Variants in C4orf54 observed in about 807,000 individuals in gnomAD.
The protein encoded by C4orf54 is chromosome 4 open reading frame 54, also known as uncharacterized protein C4orf54.
A neutral mutation model predicts 80.1 loss-of-function variants in C4orf54; 67 were observed. The ratio of observed to expected loss-of-function variants is 0.84; its 90% CI spans 0.69 to 1.03. The LOEUF (loss-of-function observed/expected upper bound fraction) is 1.03. C4orf54 is among the 50% of genes least tolerant of loss of function. The pLI is 0.00. For synonymous variants in C4orf54, 1,000 were observed against 917.0 expected (o/e 1.09, Z -1.64); for missense variants, 2,434 against 2,253.5 (o/e 1.08, Z -1.62).
intron 2 of C4orf54, among the ~76,000 whole-genome samples, 176 bp from the exon 3 acceptor site, chr4:99,641,372 T>C (rs1224785151): frequency 2.0e-5 from 3 of 152,164 alleles, no homozygotes; most frequent in African/African-American, 7.2e-5. Flanking sequence ...CAAATGTGTT[T>C]ATGAACTTAC....
rs1466209416 is a variant in C4orf54 at position 99,651,958 on chromosome 4, G to C, written c.2691C>G (p.Val897=). The C allele has an allele frequency of 9.8e-6, 15 of 1,536,024 alleles. No individual in the cohort carries two copies. Among genetic ancestry groups the C allele is most frequent in the Non-Finnish European group, 1.3e-5 (15 of 1,146,914 alleles). Reference sequence around the variant, plus strand: ...GCTCGCGAGGAGTACTGGCTTTGAAGACTGGAGATTTGGAGCCCGCCACGG... The same window carrying C: ...GCTCGCGAGGAGTACTGGCTTTGAACACTGGAGATTTGGAGCCCGCCACGG... ...EGSVAGSKSP[V]FKASTPRERN... is the part of the protein sequence containing the mutation. Residue 897 remains valine, a synonymous_variant, in exon 2 of 3, where the codon GTC becomes GTG. Coordinates refer to ENST00000511828, the MANE Select transcript of C4orf54 (RefSeq NM_001354435.2).
At chr4:99,649,183 AT>A in intron 2 of C4orf54, 47 bp downstream of exon 2, 2 of 1,410,694 alleles carry the variant, frequency 1.4e-6, no homozygotes, top group Non-Finnish European at 1.9e-6. Flanking sequence ...ACAAAAAAAT[AT>A]TGTTCTTACT....
Position 99,653,018 on chromosome 4 carries a change from T to G in C4orf54, c.1631A>C (p.Tyr544Ser), listed in dbSNP as rs1285850833. ...CATGTCGCCTTCATGCTTGGCAGCA[T>G]AAATAATGTTTTGCTTTGCACGCAC... ...SNVRAKQNII[Y>S]AAKHEGDMSL... Residue 544 changes from tyrosine (Y) to serine (S), a missense_variant, in exon 2 of 3, where the codon TAT becomes TCT. Coordinates refer to ENST00000511828, the MANE Select transcript of C4orf54 (RefSeq NM_001354435.2). 1.3e-6 allele frequency: 2 copies of G among 1,536,170 alleles called. No homozygotes were observed. The highest frequency in any genetic ancestry group is 1.7e-6 in the Non-Finnish European group (2 of 1,146,904).
chr4:99,650,015 G>T lies in C4orf54; in HGVS notation c.4634C>A (p.Ala1545Asp), dbSNP rs915328392. Residue 1545 changes from alanine (A) to aspartate (D), a missense_variant, in exon 2 of 3, where the codon GCC (alanine) becomes GAC (aspartate). Physicochemically the swap from Ala to Asp is moderately radical, Grantham distance 126. Coordinates refer to ENST00000511828, the MANE Select transcript of C4orf54 (RefSeq NM_001354435.2). ...KPDNPRETVA[A>D]PPGPQSPEHP... ...CTCGGGGCTCTGTGGCCCTGGGGGG[G>T]CAGCTACTGTCTCCCGGGGGTTGTC... 1.3e-6 allele frequency: 2 copies of T among 1,534,140 alleles called. No homozygotes were observed. Among genetic ancestry groups the T allele is most frequent in the South Asian group, 2.4e-5 (2 of 84,012 alleles).
In C4orf54 at chr4:99,650,178, A is replaced by G; in HGVS notation, c.4471T>C (p.Ser1491Pro). The G allele has an allele frequency of 8.5e-6, 13 of 1,535,994 alleles. No individual in the cohort carries two copies. Among genetic ancestry groups the G allele is most frequent in the Non-Finnish European group, 1.0e-5 (12 of 1,146,874 alleles). The change falls in exon 2 of 3, where the codon TCC becomes CCC. Residue 1491 changes from serine (S) to proline (P), a missense_variant. Physicochemically the swap from Ser to Pro is moderately conservative, Grantham distance 74. Coordinates refer to ENST00000511828, the MANE Select transcript of C4orf54 (RefSeq NM_001354435.2). ...AGELLSRPGASREGPPNSSAA... is the reference protein window; with the variant it reads ...AGELLSRPGAPREGPPNSSAA... Reference sequence around the variant, plus strand: ...GAGGAGTTGGGGGGCCCCTCCCTGGAAGCCCCAGGCCTGCTAAGAAGCTCC... The same window carrying G: ...GAGGAGTTGGGGGGCCCCTCCCTGGGAGCCCCAGGCCTGCTAAGAAGCTCC...
rs1239170361 is a variant in C4orf54, at chr4:99,653,757, T to A, written c.892A>T (p.Thr298Ser). The change falls in exon 2 of 3, where the codon ACC becomes TCC. Residue 298 changes from threonine (T) to serine (S), a missense_variant. Coordinates refer to ENST00000511828, the MANE Select transcript of C4orf54 (RefSeq NM_001354435.2). ...DSTTSTGALA[T>S]SSSSLGFESE... ...TCGAAGCCTAAGGATGAAGAGGAGGTGGCCAGAGCCCCTGTGGATGTGGTG... is the reference window on the plus strand; with the variant it reads ...TCGAAGCCTAAGGATGAAGAGGAGGAGGCCAGAGCCCCTGTGGATGTGGTG... The A allele has an allele frequency of 6.5e-7, 1 of 1,535,658 alleles. No homozygotes were observed. The highest frequency in any genetic ancestry group is 8.7e-7 in the Non-Finnish European group (1 of 1,146,812).
chr4:99,646,918 G>A (rs981409657), intron 2 of C4orf54, among the ~76,000 whole-genome samples: 2 of 152,068 alleles, frequency 1.3e-5, no homozygotes, highest in Admixed American at 6.6e-5. Context: ...TTTGGAAGGT[G>A]GTATTGAATG....
rs550073539 is a variant in C4orf54 at position 99,652,915 on chromosome 4, G to A, written c.1734C>T (p.Asp578=). Residue 578 remains aspartate, a synonymous_variant, in exon 2 of 3, where the codon GAC becomes GAT. Transcript: ENST00000511828. Reference sequence around the variant, plus strand: ...GTACAGCAATGAATTTCTTTGCATGGTCCTGAGCCACTGCTGCAGCCGGGT... The same window carrying A: ...GTACAGCAATGAATTTCTTTGCATGATCCTGAGCCACTGCTGCAGCCGGGT... ...KQNPAAAVAQ[D]HAKKFIAVPA... 6 of 1,536,162 alleles carry A rather than the reference G, an allele frequency of 3.9e-6. No individual in the cohort carries two copies. The African/African-American group carries it at 5.5e-5, about 14-fold the overall frequency.
In C4orf54 at chr4:99,646,028, T is replaced by A. The variant is rs538694035; in HGVS notation, c.*36+3203A>T. ...AGAAGTGAGAAAACCCCACCTATAA[T>A]TTTTTTTTTAATAAAGGAACATTTA... On this transcript the variant is annotated intron_variant, in intron 2 of 2. Coordinates refer to ENST00000511828, the MANE Select transcript of C4orf54 (RefSeq NM_001354435.2). Among the ~76,000 whole-genome samples the A allele has an allele frequency of 1.3e-4, 19 of 148,218 alleles. 1 individual carries two copies. Among genetic ancestry groups the A allele is most frequent in the African/African-American group, 4.3e-4 (17 of 39,672 alleles).
At position 99,652,653 on chromosome 4, in the gene C4orf54, C is replaced by A. The variant is rs1420565657; in HGVS notation, c.1996G>T (p.Asp666Tyr). ...VGFGRWSTFLDLKCGGVGARV... is the reference protein window; with the variant it reads ...VGFGRWSTFLYLKCGGVGARV... Reference sequence around the variant, plus strand: ...GCCCCAACACCCCCACATTTTAAGTCCAGGAAAGTTGACCAGCGCCCAAAG... The same window carrying A: ...GCCCCAACACCCCCACATTTTAAGTACAGGAAAGTTGACCAGCGCCCAAAG... Residue 666 changes from aspartate to tyrosine, a missense_variant, in exon 2 of 3, where the codon GAC (aspartate) becomes TAC (tyrosine). Asp to Tyr is a radical substitution (Grantham distance 160). Transcript: ENST00000511828. 3 of 1,536,030 alleles carry A rather than the reference C, an allele frequency of 2.0e-6. No homozygotes were observed. The highest frequency in any genetic ancestry group is 1.7e-6 in the Non-Finnish European group (2 of 1,146,880).
rs1307374945 is a variant in C4orf54, at chr4:99,649,451, T to G, written c.5198A>C (p.Gln1733Pro). 1.3e-6 allele frequency: 2 copies of G among 1,536,052 alleles called. No homozygotes were observed. The highest frequency in any genetic ancestry group is 1.7e-6 in the Non-Finnish European group (2 of 1,146,922). Reference protein sequence around the residue: ...TEAPYFMASGQSPASSTSSAP... With the variant: ...TEAPYFMASGPSPASSTSSAP... ...TGAGGAGGTTGAGGAGGCCGGAGAC[T>G]GACCAGAAGCCATGAAGTATGGGGC... Residue 1733 changes from glutamine to proline, a missense_variant, in exon 2 of 3, where the codon CAG (glutamine) becomes CCG (proline). Transcript: ENST00000511828.
intron 2 of C4orf54, among the ~76,000 whole-genome samples, chr4:99,647,324 C>T (rs1002978051): frequency 3.9e-5 from 6 of 152,278 alleles, no homozygotes; most frequent in Admixed American, 3.3e-4. Flanking sequence ...GCACAAAGGC[C>T]TCATAGCATT....
rs1012666147 is a variant in C4orf54, at chr4:99,649,713, C to T, written c.4936G>A (p.Val1646Met). The change falls in exon 2 of 3, where the codon GTG becomes ATG. Residue 1646 changes from valine to methionine, a missense_variant. Val to Met is a conservative substitution (Grantham distance 21). Transcript: ENST00000511828. Reference sequence around the variant, plus strand: ...GCCTGCTGCTGGGAGGTCATGGGCACATCCACATACTGCCCTGTCTCAGGG... The same window carrying T: ...GCCTGCTGCTGGGAGGTCATGGGCATATCCACATACTGCCCTGTCTCAGGG... ...FDPETGQYVD[V>M]PMTSQQQAVA... 1 of 1,536,180 alleles carries T rather than the reference C, an allele frequency of 6.5e-7. No individual in the cohort carries two copies.
Position 99,654,659 on chromosome 4 carries a change from T to C in C4orf54, c.-11A>G, listed in dbSNP as rs916013059. 14 of 684,226 alleles carry C rather than the reference T, an allele frequency of 2.0e-5. No homozygotes were observed. The African/African-American group carries it at 2.5e-4, about 12-fold the overall frequency. The allele number at this position is 684,226 out of a possible 1,614,324, so 42.4% of individuals were successfully genotyped here. A position where few individuals can be genotyped will look rare whatever the true frequency, so the allele number is the denominator to read the frequency against. ...ATGAAAGGAAAGCATGTGCTGTTTCTTGTGAAGCCTTGTCCCTTTCCTGGA... is the reference window on the plus strand; with the variant it reads ...ATGAAAGGAAAGCATGTGCTGTTTCCTGTGAAGCCTTGTCCCTTTCCTGGA... On this transcript the variant is annotated 5_prime_UTR_variant, in exon 2 of 3. Transcript: ENST00000511828.
intron 2 of C4orf54, among the ~76,000 whole-genome samples, chr4:99,642,982 A>T (rs1294594398): frequency 6.6e-6 from 1 of 152,160 alleles, no homozygotes; most frequent in Non-Finnish European, 1.5e-5. Flanking sequence ...GAGATCAGCC[A>T]GCTAGCTCAA....
rs1417212169 is a variant in C4orf54, at chr4:99,653,751, A to AGGAGGT, written c.892_897dup (p.Thr298_Ser299dup). On this transcript the variant is annotated inframe_insertion, in exon 2 of 3. Transcript: ENST00000511828. ...TCACTCTCGAAGCCTAAGGATGAAG[A>AGGAGGT]GGAGGTGGCCAGAGCCCCTGTGGAT... 6.5e-7 allele frequency: 1 copy of AGGAGGT among 1,535,890 alleles called. No homozygotes were observed. The highest frequency in any genetic ancestry group is 8.7e-7 in the Non-Finnish European group (1 of 1,146,836).
In C4orf54 at chr4:99,649,288, G is replaced by C; in HGVS notation, c.5361C>G (p.Ser1787Arg). Residue 1787 changes from serine (S) to arginine (R), a missense_variant, in exon 2 of 3, where the codon AGC becomes AGG. By Grantham distance (110) the Ser-to-Arg change is moderately radical. Transcript: ENST00000511828. ...CTCATCATCTGTGTTCTACCACAAA[G>C]CTCATGGTGGTGCCATCAAAGGAAG... ...APPSFDGTTM[S>R]FVVEHR 6.5e-7 allele frequency: 1 copy of C among 1,530,922 alleles called. No individual in the cohort carries two copies. Among genetic ancestry groups the C allele is most frequent in the Non-Finnish European group, 8.7e-7 (1 of 1,143,424 alleles). The allele number at this position is 1,530,922 out of a possible 1,614,324, so 94.8% of individuals were successfully genotyped here. A position where few individuals can be genotyped will look rare whatever the true frequency, so the allele number is the denominator to read the frequency against.
Position 99,653,660 on chromosome 4 carries a change from C to G in C4orf54, c.989G>C (p.Gly330Ala), listed in dbSNP as rs1398563773. The change falls in exon 2 of 3, where the codon GGA (glycine) becomes GCA (alanine). Residue 330 changes from glycine (G) to alanine (A), a missense_variant. Physicochemically the swap from Gly to Ala is moderately conservative, Grantham distance 60 (BLOSUM62 0). Transcript: ENST00000511828. ...GEGEKISGGG[G>A]GGKGGGGGGA... The stretch of plus-strand genomic sequence containing the variant: ...TCCTCCCCCTCCTCCTTTTCCTCCT[C>G]CCCCTCCTCCTGATATTTTCTCTCC... 1 of 1,524,468 alleles carries G rather than the reference C, an allele frequency of 6.6e-7. No individual in the cohort carries two copies. Among genetic ancestry groups the G allele is most frequent in the Non-Finnish European group, 8.8e-7 (1 of 1,140,610 alleles). The allele number at this position is 1,524,468 out of a possible 1,614,324, so 94.4% of individuals were successfully genotyped here.
intron 2 of C4orf54, among the ~76,000 whole-genome samples, chr4:99,642,531 G>T (rs996843529): frequency 6.6e-6 from 1 of 151,800 alleles, no homozygotes; most frequent in African/African-American, 2.4e-5. Flanking sequence ...TGCCTTTTTG[G>T]ATAGTCACAG....
Sources: allele counts gnomAD v4.1 joint callset (sites outside exome capture counted in the v4.1 genomes callset), GRCh38; gene constraint gnomAD v4.1.1; transcripts MANE v1.5; gene names NCBI Gene and HGNC (gene_info 2026-07-23, HGNC 2026-07-21).